The following LRP1B variants were observed in gnomAD, a reference collection of about 807,000 sequenced individuals.
LRP1B encodes low-density lipoprotein receptor-related protein 1B.
A neutral mutation model predicts 556.6 loss-of-function variants in LRP1B; 217 were observed. The observed-to-expected ratio is 0.39, with a 90% CI of 0.35 to 0.44. The LOEUF is 0.44. Ranked by LOEUF, LRP1B falls within the 20% of genes least tolerant of loss-of-function variation. The probability of loss-of-function intolerance (pLI) is 1.00; values close to 1 mark genes in which losing one functional copy is unlikely to be tolerated. For synonymous variants in LRP1B, 2,047 were observed against 1,865.8 expected (o/e 1.10, Z -2.50); for missense variants, 5,053 against 5,620.8 (o/e 0.90, Z 3.23).
chr2:140,829,058 G>A (rs904681499), intron 31 of LRP1B, among the ~76,000 whole-genome samples: 1 of 152,046 alleles, frequency 6.6e-6, no homozygotes, highest in Non-Finnish European at 1.5e-5. Context: ...ATAAAAAAGA[G>A]ATTAATTCAG....
In LRP1B at chr2:140,485,520, A is replaced by G; in HGVS notation, c.9248T>C (p.Val3083Ala). 2 of 1,610,466 alleles carry G rather than the reference A, an allele frequency of 1.2e-6. No homozygotes were observed. The highest frequency in any genetic ancestry group is 1.7e-6 in the Non-Finnish European group (2 of 1,178,646). The change falls in exon 59 of 91, where the codon GTT becomes GCT. Residue 3083 changes from valine to alanine, a missense_variant. Val to Ala is a moderately conservative substitution (Grantham distance 64). Transcript: ENST00000389484. ...MCLNGSDIKVVHNTAVPNALA... is the reference protein window; with the variant it reads ...MCLNGSDIKVAHNTAVPNALA... ...TGCATTGGGGACCGCTGTGTTATGA[A>G]CTACCTACAAAACAAGAATTTAAAA...
intron 2 of LRP1B, among the ~76,000 whole-genome samples, chr2:141,500,054 A>AT: frequency 6.6e-6 from 1 of 152,128 alleles, no homozygotes; most frequent in Non-Finnish European, 1.5e-5. Context: ...CAGAGCATAC[A>AT]TTTTTCTTTG....
chr2:141,204,999 C>T (rs1386133606), intron 6 of LRP1B, among the ~76,000 whole-genome samples: 1 of 152,012 alleles, frequency 6.6e-6, no homozygotes, highest in Non-Finnish European at 1.5e-5. Context: ...ATATACATTA[C>T]ATAATAGCTC....
Position 141,480,863 on chromosome 2 carries a change from G to T in LRP1B, c.206-330C>A, listed in dbSNP as rs531891380. ...CATATCCCTAGATAAGTTGGGCAGG[G>T]TACTTAAACTCCTTGAATCTCAATT... On this transcript the variant is annotated intron_variant, in intron 2 of 90. Coordinates refer to ENST00000389484, the MANE Select transcript of LRP1B (RefSeq NM_018557.3). Among the ~76,000 whole-genome samples, 6 of 152,226 alleles carry T rather than the reference G, an allele frequency of 3.9e-5. No individual in the cohort carries two copies. In the South Asian group the frequency reaches 1.2e-3, roughly 32 times the overall value.
chr2:141,677,682 T>C (rs1690938486), intron 2 of LRP1B, among the ~76,000 whole-genome samples: 1 of 152,174 alleles, frequency 6.6e-6, no homozygotes, highest in Admixed American at 6.5e-5. Context: ...AGAGAAGGGG[T>C]TTCTCCATGT....
At chr2:141,351,400 C>T (rs1035639913) in intron 3 of LRP1B, among the ~76,000 whole-genome samples, 1 of 151,966 alleles carries the variant, frequency 6.6e-6, no homozygotes, top group Admixed American at 6.6e-5. Flanking sequence ...TTGTTACTTT[C>T]GTTTTTCTCT....
At chr2:141,623,382 G>A (rs996593075) in intron 2 of LRP1B, among the ~76,000 whole-genome samples, 2 of 152,018 alleles carry the variant, frequency 1.3e-5, no homozygotes, top group Admixed American at 6.5e-5. Context: ...CACACCCTAA[G>A]GATTCCTTTC....
At chr2:140,428,539 C>T (rs375220393) in intron 66 of LRP1B, among the ~76,000 whole-genome samples, 60 of 152,294 alleles carry the variant, frequency 3.9e-4, no homozygotes, top group African/African-American at 1.3e-3. Flanking sequence ...GGCAGCCACT[C>T]CCAGAGGCCC....
chr2:141,186,065 C>T (rs975616683), intron 7 of LRP1B, among the ~76,000 whole-genome samples: 4 of 103,718 alleles, frequency 3.9e-5, no homozygotes, highest in African/African-American at 7.7e-5. Context: ...AGCGATAGAA[C>T]GAGACTCTGT....
At chr2:142,102,553 TA>T (rs1010423739) in intron 1 of LRP1B, among the ~76,000 whole-genome samples, 1 of 111,480 alleles carries the variant, frequency 9.0e-6, no homozygotes, top group African/African-American at 2.8e-5. Flanking sequence ...TAAAATAAAA[TA>T]AAAAAATAAA....
chr2:141,680,937 T>A (rs1691078642), intron 2 of LRP1B, among the ~76,000 whole-genome samples: 1 of 152,090 alleles, frequency 6.6e-6, no homozygotes, highest in African/African-American at 2.4e-5. Flanking sequence ...TGTAAGAAAA[T>A]GGTGCGTTGC....
intron 73 of LRP1B, 76 bp downstream of exon 73, chr2:140,358,745 T>C: frequency 6.7e-7 from 1 of 1,488,308 alleles, no homozygotes. Flanking sequence ...AAATGTATTT[T>C]TTAAAATGTT....
At chr2:140,915,522 T>G (rs993130689) in intron 21 of LRP1B, among the ~76,000 whole-genome samples, 5 of 151,590 alleles carry the variant, frequency 3.3e-5, no homozygotes, top group African/African-American at 1.2e-4. Flanking sequence ...GGTGTGGTGA[T>G]GCATGCCTAT....
intron 3 of LRP1B, among the ~76,000 whole-genome samples, chr2:141,335,369 C>T (rs953243109): frequency 2.0e-5 from 3 of 152,150 alleles, no homozygotes; most frequent in Non-Finnish European, 4.4e-5. Context: ...ATATCAGGAA[C>T]ATGAAAATCA....
chr2:142,083,271 G>A (rs1468974402), intron 1 of LRP1B, among the ~76,000 whole-genome samples: 1 of 152,166 alleles, frequency 6.6e-6, no homozygotes, highest in Non-Finnish European at 1.5e-5. Flanking sequence ...TATGATCATT[G>A]TGGCACTAGT....
At chr2:140,636,409 G>T (rs962566996) in intron 41 of LRP1B, among the ~76,000 whole-genome samples, 1 of 152,094 alleles carries the variant, frequency 6.6e-6, no homozygotes, top group Non-Finnish European at 1.5e-5. Context: ...ATAACTTGAG[G>T]ATCATTTCTG....
intron 1 of LRP1B, among the ~76,000 whole-genome samples, chr2:141,949,959 C>T (rs1449590028): frequency 6.6e-6 from 1 of 152,054 alleles, no homozygotes; most frequent in Non-Finnish European, 1.5e-5. Context: ...TGGAATTCAG[C>T]AAATTCAAGG....
At chr2:141,421,622 C>T (rs12468848) in intron 3 of LRP1B, among the ~76,000 whole-genome samples, 45,284 of 151,892 alleles carry the variant, frequency 0.3, 6,895 homozygotes, top group Admixed American at 0.32. Context: ...TTAACCTACT[C>T]AAAAAGGGCT....
Position 140,418,791 on chromosome 2 carries a change from C to T in LRP1B, c.10414+23713G>A, listed in dbSNP as rs571478383. On this transcript the variant is annotated intron_variant, in intron 66 of 90. Coordinates refer to ENST00000389484, the MANE Select transcript of LRP1B (RefSeq NM_018557.3). ...GTAATAATAATAGAAATAAAGTGCA[C>T]GAAAAATGTAATGTGGCTTGAATCA... 1.1e-4 allele frequency among the ~76,000 whole-genome samples: 17 copies of T among 151,982 alleles called. No homozygotes were observed. The East Asian group carries it at 1.4e-3, about 12-fold the overall frequency.
Sources: gnomAD v4.1 joint callset for allele counts (sites outside exome capture counted in the v4.1 genomes callset) on GRCh38, gnomAD v4.1.1 for gene constraint, MANE v1.5 for transcripts, NCBI Gene and HGNC (gene_info 2026-07-23, HGNC 2026-07-21) for gene names.